The following DST variants were observed in gnomAD, a reference collection of about 807,000 sequenced individuals.
DST encodes the protein dystonin.
A neutral mutation model predicts 875.2 loss-of-function variants in DST; 253 were observed. The ratio of observed to expected loss-of-function variants is 0.29; its 90% confidence interval spans 0.26 to 0.32. The LOEUF is 0.32. Among genes scored for constraint, DST ranks in the 10% least tolerant of loss-of-function variants. The probability of loss-of-function intolerance (pLI) is 1.00; values close to 1 mark genes in which losing one functional copy is unlikely to be tolerated. For missense variants in DST, 8,287 were observed against 9,111.6 expected (o/e 0.91, Z 3.68); for synonymous variants, 3,124 against 3,197.1 (o/e 0.98, Z 0.77).
intron 4 of DST, among the ~76,000 whole-genome samples, chr6:56,749,327 C>G (rs2099581067): frequency 6.6e-6 from 1 of 152,050 alleles, no homozygotes; most frequent in Admixed American, 6.6e-5. Flanking sequence ...GCACTCCAGC[C>G]TGGGTGACAG....
At chr6:56,891,380 A>G (rs1478325145) in intron 3 of DST, among the ~76,000 whole-genome samples, 1 of 152,042 alleles carries the variant, frequency 6.6e-6, no homozygotes, top group Non-Finnish European at 1.5e-5. Flanking sequence ...CAACACAGAC[A>G]GACTCCACCT....
chr6:56,593,516 C>CCAAAAAAAAA (rs766214285), intron 48 of DST, 147 bp downstream of exon 48: 1 of 277,526 alleles, frequency 3.6e-6, no homozygotes, highest in African/African-American at 4.1e-5. Context: ...GACTCCTTCT[C>CCAAAAAAAAA]AAAAAAAAAA....
chr6:56,742,519 T>G (rs779896347), intron 4 of DST: 330 of 381,356 alleles, frequency 8.7e-4, no homozygotes, highest in Non-Finnish European at 1.4e-3. Context: ...ACTCCTCTAC[T>G]ATTTTTGTAG....
At position 56,562,182 on chromosome 6, in the gene DST, C is replaced by T. The variant is rs748551099; in HGVS notation, c.14024G>A (p.Gly4675Asp). The T allele has an allele frequency of 8.4e-6, 13 of 1,551,626 alleles. No homozygotes were observed. Among genetic ancestry groups the T allele is most frequent in the African/African-American group, 1.4e-5 (1 of 73,052 alleles). ...AVKSGGAVLN[G>D]EGTATNTEEF... Reference sequence around the variant, plus strand: ...CTCAGTATTTGTGGCTGTTCCTTCACCATTTAATACTGCTCCACCTGCAAA... The same window carrying T: ...CTCAGTATTTGTGGCTGTTCCTTCATCATTTAATACTGCTCCACCTGCAAA... Residue 4675 changes from glycine (G) to aspartate (D), a missense_variant, in exon 56 of 104, where the codon GGT becomes GAT. Gly to Asp is a moderately conservative substitution (Grantham distance 94, BLOSUM62 -1). Around this residue, in one of 10 missense-constraint regions of DST, gnomAD observed 1,513 missense variants for 1,677.8 expected, o/e 0.90. Transcript: ENST00000680361.
intron 54 of DST, among the ~76,000 whole-genome samples, chr6:56,569,188 G>T (rs1435817321): frequency 6.6e-6 from 1 of 151,890 alleles, no homozygotes; most frequent in Non-Finnish European, 1.5e-5. Flanking sequence ...AGCTGGGCGT[G>T]GTGGCAGCCA....
rs1430971039 is a variant in DST, at chr6:56,894,940, C to A, written c.417+5481G>T. Among the ~76,000 whole-genome samples the A allele has an allele frequency of 2.6e-4, 19 of 71,928 alleles. 1 individual carries two copies. The highest frequency in any genetic ancestry group is 8.5e-4 in the Admixed American group (8 of 9,374). The allele number at this position is 71,928 out of a possible 152,430, so 47.2% of individuals were successfully genotyped here. A position where few individuals can be genotyped will look rare whatever the true frequency, so the allele number is the denominator to read the frequency against. ...CCCAGTAGGGGCGGCCGGGCAGAGG[C>A]GCCCCTCACCTCCCGGACGGGGCGG... On this transcript the variant is annotated intron_variant, in intron 3 of 103. Coordinates refer to ENST00000680361, the MANE Select transcript of DST (RefSeq NM_001374736.1).
chr6:56,667,882 A>G (rs939292493), intron 10 of DST, among the ~76,000 whole-genome samples: 6 of 151,932 alleles, frequency 3.9e-5, no homozygotes, highest in Admixed American at 6.6e-5. Flanking sequence ...CATGAGTACC[A>G]CAGAGACAAT....
chr6:56,716,878 T>C (rs1283207113), intron 5 of DST, among the ~76,000 whole-genome samples: 1 of 152,130 alleles, frequency 6.6e-6, no homozygotes, highest in Non-Finnish European at 1.5e-5. Context: ...AGGTGTTCGA[T>C]TCTTATAACA....
chr6:56,616,122 C>T, intron 36 of DST: 2 of 1,614,204 alleles, frequency 1.2e-6, no homozygotes, highest in Non-Finnish European at 8.5e-7. Context: ...CAATACCCTG[C>T]AACAGGACTG....
chr6:56,464,276 T>C (rs1173352269), intron 100 of DST: 1 of 268,950 alleles, frequency 3.7e-6, no homozygotes, highest in Non-Finnish European at 7.1e-6. Context: ...GATGACAACA[T>C]ATAAACTTCT....
At chr6:56,543,507 T>C (rs1017397392) in intron 61 of DST, among the ~76,000 whole-genome samples, 1 of 152,194 alleles carries the variant, frequency 6.6e-6, no homozygotes, top group African/African-American at 2.4e-5. Flanking sequence ...CCACAGATTT[T>C]TATCTACTGA....
intron 10 of DST, among the ~76,000 whole-genome samples, chr6:56,670,125 C>T (rs550117686): frequency 2.6e-4 from 34 of 128,604 alleles, no homozygotes; most frequent in East Asian, 1.2e-3. Context: ...TGTGTGCGAG[C>T]GCCCGTGCGT....
chr6:56,898,274 G>A (rs1468037569), intron 3 of DST, among the ~76,000 whole-genome samples: 1 of 152,166 alleles, frequency 6.6e-6, no homozygotes, highest in African/African-American at 2.4e-5. Context: ...GCATGAGTCA[G>A]TCTCAAAAGA....
chr6:56,836,831 A>G (rs1481272677), intron 4 of DST, among the ~76,000 whole-genome samples: 5 of 149,348 alleles, frequency 3.3e-5, no homozygotes, highest in Non-Finnish European at 7.4e-5. Flanking sequence ...CGCCTGGGCC[A>G]CAGAGAGAGA....
intron 4 of DST, among the ~76,000 whole-genome samples, chr6:56,786,479 C>G (rs2152999404): frequency 6.6e-6 from 1 of 152,290 alleles, no homozygotes; most frequent in Non-Finnish European, 1.5e-5. Flanking sequence ...TTGCTGATTA[C>G]TTCCTTTGAT....
At chr6:56,841,113 T>C (rs954460895) in intron 4 of DST, among the ~76,000 whole-genome samples, 4 of 152,196 alleles carry the variant, frequency 2.6e-5, no homozygotes, top group African/African-American at 9.7e-5. Flanking sequence ...ACAATTCTTT[T>C]CTGATTAGAT....
intron 5 of DST, among the ~76,000 whole-genome samples, chr6:56,719,982 C>G (rs1009547196): frequency 6.6e-6 from 1 of 152,222 alleles, no homozygotes; most frequent in Admixed American, 6.5e-5. Flanking sequence ...AAGTTTCAGA[C>G]ACCACTGTCA....
intron 2 of DST, among the ~76,000 whole-genome samples, chr6:56,925,272 G>C (rs969761841): frequency 1.1e-4 from 16 of 152,106 alleles, no homozygotes; most frequent in African/African-American, 3.9e-4. Flanking sequence ...GCATCTCCAT[G>C]GTCAGTCCAT....
Position 56,482,748 on chromosome 6 carries a change from G to T in DST, c.21337C>A (p.Arg7113Ser), listed in dbSNP as rs1340867606. ...VKVQMQELSTRWETVCALSIS... is the reference protein window; with the variant it reads ...VKVQMQELSTSWETVCALSIS... The stretch of plus-strand genomic sequence containing the variant: ...GAAAGTGCACACACGGTCTCCCAGC[G>T]TGTGCTTAATTCCTGCATCTGGACC... The change falls in exon 89 of 104, where the codon CGC becomes AGC. Residue 7113 changes from arginine (R) to serine (S), a missense_variant. Physicochemically the swap from Arg to Ser is moderately radical, Grantham distance 110. Coordinates refer to ENST00000680361, the MANE Select transcript of DST (RefSeq NM_001374736.1). 6.2e-7 allele frequency: 1 copy of T among 1,613,824 alleles called. No homozygotes were observed.
Sources: gnomAD v4.1 joint callset for allele counts (sites outside exome capture counted in the v4.1 genomes callset) on GRCh38, gnomAD v4.1.1 for gene constraint, gnomAD v4.1.1 regional missense constraint, MANE v1.5 for transcripts, NCBI Gene and HGNC (gene_info 2026-07-23, HGNC 2026-07-21) for gene names.